EIF1AX: variants seen among roughly 807,000 people sequenced by gnomAD.
The protein encoded by EIF1AX is eukaryotic translation initiation factor 1A, X-chromosomal.
In EIF1AX, 1 loss-of-function variant was observed where a neutral mutation model predicts 16.1. The observed-to-expected ratio is 0.06, with a 90% CI of 0.02 to 0.30. The LOEUF is 0.30. Among genes scored for constraint, EIF1AX ranks in the 10% least tolerant of loss-of-function variants. The pLI, the probability that EIF1AX is intolerant of heterozygous loss-of-function variation, is 1.00. For missense variants in EIF1AX, 11 were observed against 109.1 expected (o/e 0.10, Z 4.00); for synonymous variants, 32 against 37.3 (o/e 0.86, Z 0.51).
intron 2 of EIF1AX, among the ~76,000 whole-genome samples, chrX:20,137,359 T>C (rs1317205577): frequency 1.8e-5 from 2 of 110,683 alleles, no homozygotes; most frequent in Admixed American, 9.6e-5. Context: ...GGCAGGAGAA[T>C]GGCGTGAACC....
At chrX:20,139,963 T>C (rs759752140) in intron 1 of EIF1AX, 17 of 112,811 alleles carry the variant, frequency 1.5e-4, no homozygotes, top group African/African-American at 5.1e-4. Context: ...TTTACCAGAA[T>C]TAACCATACC....
intron 3 of EIF1AX, among the ~76,000 whole-genome samples, chrX:20,135,100 C>CTTT (rs755530368): frequency 6.8e-5 from 6 of 88,242 alleles, no homozygotes; most frequent in Non-Finnish European, 1.3e-4. Context: ...AGTACCCCAG[C>CTTT]TTTTTTTTTT....
Position 20,130,504 on chromosome X carries a change from A to T in EIF1AX, c.429+12T>A. On this transcript the variant is annotated intron_variant, in intron 6 of 6. Coordinates refer to ENST00000379607, the MANE Select transcript of EIF1AX (RefSeq NM_001412.4). ...TAACAAAAATTGGAAAACACAAGGT[A>T]CATCTACTTACGTCATCAATATCTT... 2 of 1,184,136 alleles carry T rather than the reference A, an allele frequency of 1.7e-6. No individual in the cohort carries two copies. Among genetic ancestry groups the T allele is most frequent in the Non-Finnish European group, 2.3e-6 (2 of 882,799 alleles).
At chrX:20,133,932 G>C (rs1304682375) in intron 4 of EIF1AX, 25 bp downstream of exon 4, 1 of 1,151,662 alleles carries the variant, frequency 8.7e-7, no homozygotes, top group Non-Finnish European at 1.2e-6. Context: ...CAGTAAAATA[G>C]GAAAAATTTA....
rs1343954236 is a variant in EIF1AX at position 20,127,779 on chromosome X, A to G, written c.*527T>C. ...AAAATACGACTATGAAAAGAACATG[A>G]TATCAAAATCAGTATAAAAATAGCC... On this transcript the variant is annotated 3_prime_UTR_variant, in exon 7 of 7. Coordinates refer to ENST00000379607, the MANE Select transcript of EIF1AX (RefSeq NM_001412.4). 27 of 149,258 alleles carry G rather than the reference A, an allele frequency of 1.8e-4. No individual in the cohort carries two copies. The highest frequency in any genetic ancestry group is 7.8e-4 in the African/African-American group (24 of 30,729). 12.3% of individuals were successfully genotyped at this position (149,258 alleles called of 1,213,427 possible). A position where few individuals can be genotyped will look rare whatever the true frequency, so the allele number is the denominator to read the frequency against.
chrX:20,131,470 TA>T (rs2067000958), intron 5 of EIF1AX, among the ~76,000 whole-genome samples: 1 of 109,175 alleles, frequency 9.2e-6, no homozygotes, highest in Non-Finnish European at 1.9e-5. Flanking sequence ...CCGTCTCTAC[TA>T]AAACTACAAA....
At position 20,127,581 on chromosome X, in the gene EIF1AX, TAAAAG is replaced by T. The variant is rs1294025427; in HGVS notation, c.*720_*724del. On this transcript the variant is annotated 3_prime_UTR_variant, in exon 7 of 7. Coordinates refer to ENST00000379607, the MANE Select transcript of EIF1AX (RefSeq NM_001412.4). ...TGTTTGGGGTATTTCTTACACATAG[TAAAAG>T]AAAAGTCAACAATTGTATCAGTACT... 1 of 146,772 alleles carries T rather than the reference TAAAAG, an allele frequency of 6.8e-6. No individual in the cohort carries two copies. The highest frequency in any genetic ancestry group is 8.7e-5 in the Admixed American group (1 of 11,527). 12.1% of individuals were successfully genotyped at this position (146,772 alleles called of 1,213,427 possible).
At chrX:20,130,024 G>A (rs903888778) in intron 6 of EIF1AX, among the ~76,000 whole-genome samples, 4 of 111,049 alleles carry the variant, frequency 3.6e-5, no homozygotes, top group South Asian at 3.8e-4. Flanking sequence ...AAATAGGGCC[G>A]GGCATGGTGG....
Position 20,125,574 on chromosome X carries a change from T to TC in EIF1AX, c.*2731dup. Reference sequence around the variant, plus strand: ...TTCATTCTGATACTTTAGCTGTCAATCCAGTCAATACCGGTTGTTGTTAAG... The same window carrying TC: ...TTCATTCTGATACTTTAGCTGTCAATCCCAGTCAATACCGGTTGTTGTTAAG... On this transcript the variant is annotated 3_prime_UTR_variant, in exon 7 of 7. Coordinates refer to ENST00000379607, the MANE Select transcript of EIF1AX (RefSeq NM_001412.4). 5.9e-6 allele frequency: 1 copy of TC among 168,497 alleles called. No individual in the cohort carries two copies. Among genetic ancestry groups the TC allele is most frequent in the Middle Eastern group, 1.9e-3 (1 of 519 alleles). 13.9% of individuals were successfully genotyped at this position (168,497 alleles called of 1,213,427 possible).
In EIF1AX at chrX:20,126,050, C is replaced by G. The variant is rs1185289672; in HGVS notation, c.*2256G>C. 1 of 129,430 alleles carries G rather than the reference C, an allele frequency of 7.7e-6. No individual in the cohort carries two copies. Among genetic ancestry groups the G allele is most frequent in the Non-Finnish European group, 1.5e-5 (1 of 65,107 alleles). The allele number at this position is 129,430 out of a possible 1,213,427, so 10.7% of individuals were successfully genotyped here. ...ACTGCAAGTGGAATAAACATTGCAACAAAAATGCAACCCAATCAAAATCAT... is the reference window on the plus strand; with the variant it reads ...ACTGCAAGTGGAATAAACATTGCAAGAAAAATGCAACCCAATCAAAATCAT... On this transcript the variant is annotated 3_prime_UTR_variant, in exon 7 of 7. Transcript: ENST00000379607.
chrX:20,134,599 G>A (rs1455483141), intron 3 of EIF1AX, among the ~76,000 whole-genome samples: 3 of 109,663 alleles, frequency 2.7e-5, no homozygotes, highest in Non-Finnish European at 5.7e-5. Context: ...TTAGCGAGGC[G>A]TGGTGGCGCA....
chrX:20,141,803 A>C lies in EIF1AX; in HGVS notation c.-163T>G. The C allele has an allele frequency of 2.0e-6, 1 of 489,225 alleles. No homozygotes were observed. Among genetic ancestry groups the C allele is most frequent in the Non-Finnish European group, 3.2e-6 (1 of 313,136 alleles). The allele number at this position is 489,225 out of a possible 1,213,427, so 40.3% of individuals were successfully genotyped here. A position where few individuals can be genotyped will look rare whatever the true frequency, so the allele number is the denominator to read the frequency against. ...AGGCTGGCGACCCAGCTCTTCAGAG[A>C]TCCGCCTGCGTCCACGCTCGGCGGC... On this transcript the variant is annotated 5_prime_UTR_variant, in exon 1 of 7. Coordinates refer to ENST00000379607, the MANE Select transcript of EIF1AX (RefSeq NM_001412.4).
At chrX:20,128,735 A>G (rs2066992416) in intron 6 of EIF1AX, among the ~76,000 whole-genome samples, 1 of 111,521 alleles carries the variant, frequency 9.0e-6, no homozygotes, top group South Asian at 3.7e-4. Context: ...AACTTTTACA[A>G]AATGTTCAAG....
At chrX:20,135,980 TA>T in intron 2 of EIF1AX, 139 bp from the exon 3 acceptor site, 1 of 461,390 alleles carries the variant, frequency 2.2e-6, no homozygotes, top group South Asian at 3.4e-5. Context: ...TAAACAAACA[TA>T]AGGGAGTGAT....
chrX:20,134,575 T>C (rs770920971), intron 3 of EIF1AX, among the ~76,000 whole-genome samples: 3 of 104,885 alleles, frequency 2.9e-5, no homozygotes, highest in African/African-American at 1.0e-4. Context: ...TTGTCTTTAC[T>C]AAAAATACAA....
chrX:20,138,692 G>T, intron 1 of EIF1AX, 70 bp from the exon 2 acceptor site: 1 of 774,370 alleles, frequency 1.3e-6, no homozygotes, highest in Non-Finnish European at 1.8e-6. Context: ...GAAATAAAAT[G>T]AAATTAAGGC....
In EIF1AX at chrX:20,132,370, TA is replaced by T. The variant is rs1301937811; in HGVS notation, c.256-108del. The T allele has an allele frequency of 3.6e-5, 19 of 527,988 alleles. No individual in the cohort carries two copies. The South Asian group carries it at 6.0e-4, about 17-fold the overall frequency. The allele number at this position is 527,988 out of a possible 1,213,427, so 43.5% of individuals were successfully genotyped here. On this transcript the variant is annotated intron_variant, in intron 4 of 6. Transcript: ENST00000379607. ...ACAATCAAATCTCACCGTTTTACTA[TA>T]AATCTTTCTCCTTTTAAATTTTAAA... is the stretch of plus-strand genomic sequence containing the variant.
rs1409156388 is a variant in EIF1AX at position 20,128,243 on chromosome X, G to A, written c.*63C>T. On this transcript the variant is annotated 3_prime_UTR_variant, in exon 7 of 7. Transcript: ENST00000379607. ...ATGAAATTTTAATCTTCTTTGTCAT[G>A]ATCAAAATCCAAATTGTAGGACAAT... 9.4e-7 allele frequency: 1 copy of A among 1,069,285 alleles called. No individual in the cohort carries two copies. Among genetic ancestry groups the A allele is most frequent in the African/African-American group, 1.9e-5 (1 of 53,315 alleles). 88.1% of individuals were successfully genotyped at this position (1,069,285 alleles called of 1,213,427 possible).
At chrX:20,128,373 C>G (rs1447290323) in intron 6 of EIF1AX, 62 bp from the exon 7 acceptor site, 1 of 1,030,225 alleles carries the variant, frequency 9.7e-7, no homozygotes, top group Non-Finnish European at 1.3e-6. Context: ...ACAGTCTACT[C>G]CATATATAAG....
Sources: allele counts gnomAD v4.1 joint callset (sites outside exome capture counted in the v4.1 genomes callset), GRCh38; gene constraint gnomAD v4.1.1; transcripts MANE v1.5; gene names NCBI Gene and HGNC (gene_info 2026-07-23, HGNC 2026-07-21).